The following LARP1B variants were observed in gnomAD, a reference collection of about 807,000 sequenced individuals.
LARP1B encodes the protein La ribonucleoprotein 1B.
In LARP1B, 76 loss-of-function variants were observed where a neutral mutation model predicts 114.2. That is an observed-to-expected ratio of 0.67 (90% CI 0.55 to 0.81). The LOEUF (loss-of-function observed/expected upper bound fraction) is 0.81, where lower values mean the gene tolerates loss of function less well. Among genes scored for constraint, LARP1B ranks in the 30% least tolerant of loss-of-function variants. LARP1B has a pLI of 0.00. For missense variants in LARP1B, 1,014 were observed against 1,075.8 expected (o/e 0.94, Z 0.80); for synonymous variants, 345 against 348.0 (o/e 0.99, Z 0.10).
intron 1 of LARP1B, among the ~76,000 whole-genome samples, chr4:128,073,578 T>TG (rs1579831119): frequency 5.1e-4 from 9 of 17,734 alleles, no homozygotes; most frequent in East Asian, 4.1e-3. Flanking sequence ...TGTCGTTTTT[T>TG]TTTTTTTTTT....
chr4:128,130,183 T>A (rs1175811950), intron 11 of LARP1B, among the ~76,000 whole-genome samples: 2 of 152,122 alleles, frequency 1.3e-5, no homozygotes. Flanking sequence ...TGAGACTGTC[T>A]CTACGAAAAA....
rs538981254 is a variant in LARP1B, at chr4:128,109,787, CT to C, written c.988+2480del. Reference sequence around the variant, plus strand: ...AGTGCCACACATAAAATATATAATCCTTTTTTCAGGAAACCTTTTTAATTAC... The same window carrying C: ...AGTGCCACACATAAAATATATAATCCTTTTTCAGGAAACCTTTTTAATTAC... On this transcript the variant is annotated intron_variant, in intron 9 of 19. Transcript: ENST00000326639. Among the ~76,000 whole-genome samples, 31 of 150,964 alleles carry C rather than the reference CT, an allele frequency of 2.1e-4. 1 individual carries two copies. The South Asian group carries it at 6.1e-3, about 30-fold the overall frequency.
rs1757879566 is a variant in LARP1B, at chr4:128,207,311, G to A, written c.2475G>A (p.Lys825=). Residue 825 remains lysine, a synonymous_variant, in exon 19 of 20, where the codon AAG becomes AAA. Transcript: ENST00000326639. ...FWAYLKYSQS[K]TQSIDPKLQE... is the part of the protein sequence containing the mutation. Reference sequence around the variant, plus strand: ...CTTATTTGAAATATTCTCAATCTAAGACACAGTCTATTGACCCAAAACTTC... The same window carrying A: ...CTTATTTGAAATATTCTCAATCTAAAACACAGTCTATTGACCCAAAACTTC... The A allele has an allele frequency of 1.3e-6, 2 of 1,559,346 alleles. No homozygotes were observed. The highest frequency in any genetic ancestry group is 2.7e-5 in the African/African-American group (2 of 73,248).
chr4:128,082,352 T>G, intron 5 of LARP1B, 47 bp downstream of exon 5: 3 of 1,529,674 alleles, frequency 2.0e-6, no homozygotes, highest in East Asian at 2.3e-5. Flanking sequence ...AGACTTAGTC[T>G]TAATGCTCGT....
intron 7 of LARP1B, among the ~76,000 whole-genome samples, chr4:128,096,438 A>T (rs1778038005): frequency 6.6e-6 from 1 of 152,138 alleles, no homozygotes; most frequent in Admixed American, 6.6e-5. Flanking sequence ...GATCATACTG[A>T]CAGTTCATCC....
At chr4:128,147,509 A>G (rs1730889010) in intron 11 of LARP1B, among the ~76,000 whole-genome samples, 1 of 152,204 alleles carries the variant, frequency 6.6e-6, no homozygotes, top group South Asian at 2.1e-4. Flanking sequence ...ATGAAGGGGA[A>G]CAGTAAAAAA....
intron 12 of LARP1B, among the ~76,000 whole-genome samples, chr4:128,173,053 A>G (rs1298920915): frequency 1.3e-5 from 2 of 151,822 alleles, no homozygotes; most frequent in African/African-American, 4.8e-5. Context: ...CTGCCTATAT[A>G]TATATTTTAA....
At chr4:128,205,752 A>T (rs1757406835) in intron 17 of LARP1B, among the ~76,000 whole-genome samples, 1 of 152,190 alleles carries the variant, frequency 6.6e-6, no homozygotes, top group African/African-American at 2.4e-5. Flanking sequence ...CTGTGTACAA[A>T]GATACCATTA....
intron 11 of LARP1B, among the ~76,000 whole-genome samples, chr4:128,135,561 A>C (rs562250212): frequency 6.6e-6 from 1 of 152,346 alleles, no homozygotes; most frequent in South Asian, 2.1e-4. Context: ...AAAATGTAGT[A>C]TATACATAAC....
chr4:128,166,521 G>A (rs1024764838), intron 12 of LARP1B, among the ~76,000 whole-genome samples: 1 of 151,732 alleles, frequency 6.6e-6, no homozygotes, highest in East Asian at 1.9e-4. Flanking sequence ...TAGTGTAATG[G>A]TTACAATAGT....
chr4:128,140,533 C>T (rs552198625), intron 11 of LARP1B, among the ~76,000 whole-genome samples: 87 of 152,170 alleles, frequency 5.7e-4, no homozygotes, highest in African/African-American at 2.0e-3. Flanking sequence ...ATAATTACTA[C>T]GTAAGTCAGA....
intron 11 of LARP1B, among the ~76,000 whole-genome samples, chr4:128,160,028 C>T (rs1393475392): frequency 6.6e-6 from 1 of 152,208 alleles, no homozygotes; most frequent in Non-Finnish European, 1.5e-5. Context: ...TAGGATAGAG[C>T]AAGGGTAGAC....
At position 128,077,974 on chromosome 4, in the gene LARP1B, CAT is replaced by C. The variant is rs1233828826; in HGVS notation, c.217+15_217+16del. On this transcript the variant is annotated intron_variant, in intron 4 of 19. Transcript: ENST00000326639. ...TCAACGTAAGAGAGGTCAGTTTGTCCATATCTTTATTTTGATTTTAGTTTTTG... is the reference window on the plus strand; with the variant it reads ...TCAACGTAAGAGAGGTCAGTTTGTCCATCTTTATTTTGATTTTAGTTTTTG... The C allele has an allele frequency of 1.3e-6, 2 of 1,496,240 alleles. No individual in the cohort carries two copies. Among genetic ancestry groups the C allele is most frequent in the African/African-American group, 2.8e-5 (2 of 70,626 alleles). The allele number at this position is 1,496,240 out of a possible 1,614,324, so 92.7% of individuals were successfully genotyped here. A position where few individuals can be genotyped will look rare whatever the true frequency, so the allele number is the denominator to read the frequency against.
At chr4:128,192,196 C>A (rs1316290792) in intron 15 of LARP1B, among the ~76,000 whole-genome samples, 1 of 152,106 alleles carries the variant, frequency 6.6e-6, no homozygotes, top group Non-Finnish European at 1.5e-5. Flanking sequence ...AATGCTATTG[C>A]ACACTTGGTA....
At chr4:128,119,918 T>C (rs970878184) in intron 10 of LARP1B, among the ~76,000 whole-genome samples, 1 of 152,208 alleles carries the variant, frequency 6.6e-6, no homozygotes, top group Non-Finnish European at 1.5e-5. Flanking sequence ...TTAATAATGG[T>C]CTTTTCCTCA....
rs556189884 is a variant in LARP1B, at chr4:128,132,154, A to G, written c.1524+9966A>G. On this transcript the variant is annotated intron_variant, in intron 11 of 19. Coordinates refer to ENST00000326639, the MANE Select transcript of LARP1B (RefSeq NM_018078.4). ...ATTTCAAAAAATGAACAGAACTCAGATTTTTATTAACTGATGTTTGGATGA... is the reference window on the plus strand; with the variant it reads ...ATTTCAAAAAATGAACAGAACTCAGGTTTTTATTAACTGATGTTTGGATGA... Among the ~76,000 whole-genome samples the G allele has an allele frequency of 3.9e-5, 6 of 152,344 alleles. No homozygotes were observed. The South Asian group carries it at 1.0e-3, about 26-fold the overall frequency.
At chr4:128,188,033 G>A (rs1750913716) in intron 15 of LARP1B, among the ~76,000 whole-genome samples, 1 of 151,726 alleles carries the variant, frequency 6.6e-6, no homozygotes, top group Non-Finnish European at 1.5e-5. Context: ...AGAACCATGA[G>A]CCAATTAAAC....
chr4:128,142,740 T>G (rs1728604573), intron 11 of LARP1B, among the ~76,000 whole-genome samples: 1 of 151,954 alleles, frequency 6.6e-6, no homozygotes, highest in Non-Finnish European at 1.5e-5. Context: ...ACTCCCAACC[T>G]CAGGTGATCT....
intron 15 of LARP1B, among the ~76,000 whole-genome samples, chr4:128,182,099 A>C (rs1160221720): frequency 2.9e-5 from 4 of 139,774 alleles, no homozygotes; most frequent in Admixed American, 1.5e-4. Context: ...GGCATGAGCC[A>C]CTGCACCCGG....
Sources: gnomAD v4.1 joint callset for allele counts (sites outside exome capture counted in the v4.1 genomes callset) on GRCh38, gnomAD v4.1.1 for gene constraint, MANE v1.5 for transcripts, NCBI Gene and HGNC (gene_info 2026-07-23, HGNC 2026-07-21) for gene names.